The following ABTB3 variants were observed in gnomAD, a reference collection of about 807,000 sequenced individuals.
The protein encoded by ABTB3 is ankyrin repeat- and BTB/POZ domain-containing protein 3.
chr12:107,572,329 T>C, the ABTB3 span, among the ~76,000 whole-genome samples: 1 of 151,946 alleles, frequency 6.6e-6, no homozygotes, highest in Non-Finnish European at 1.5e-5. Flanking sequence ...AACACCTTGA[T>C]TTTGGACTTC....
At chr12:107,657,572 C>T in the ABTB3 span, 5 of 1,614,150 alleles carry the variant, frequency 3.1e-6, no homozygotes, top group South Asian at 4.4e-5. Flanking sequence ...CATGATGGTC[C>T]TCATTGAAAA....
the ABTB3 span, among the ~76,000 whole-genome samples, chr12:107,373,147 T>C: frequency 5.9e-5 from 9 of 152,160 alleles, no homozygotes; most frequent in Admixed American, 5.2e-4. Flanking sequence ...AGAACAACAT[T>C]GGCACCTAGC....
chr12:107,361,804 G>A, the ABTB3 span, among the ~76,000 whole-genome samples: 1,693 of 152,164 alleles, frequency 0.011, 15 homozygotes, highest in Non-Finnish European at 0.019. Flanking sequence ...GTCCCACCCC[G>A]CCACCTCAAC....
the ABTB3 span, among the ~76,000 whole-genome samples, chr12:107,497,071 C>G: frequency 6.6e-6 from 1 of 152,152 alleles, no homozygotes; most frequent in East Asian, 1.9e-4. Flanking sequence ...GAGTATATGG[C>G]AAGTACTTTG....
At chr12:107,441,672 T>G in the ABTB3 span, among the ~76,000 whole-genome samples, 1 of 150,728 alleles carries the variant, frequency 6.6e-6, no homozygotes, top group South Asian at 2.1e-4. Flanking sequence ...ACACAGTGGC[T>G]CACACCTAAA....
chr12:107,448,518 T>G, the ABTB3 span, among the ~76,000 whole-genome samples: 1 of 152,204 alleles, frequency 6.6e-6, no homozygotes, highest in Admixed American at 6.6e-5. Context: ...AAAAATAATT[T>G]AAACTTAAAG....
chr12:107,567,599 AT>A, the ABTB3 span, among the ~76,000 whole-genome samples: 6 of 152,162 alleles, frequency 3.9e-5, no homozygotes, highest in Non-Finnish European at 8.8e-5. Context: ...GGGGTCCCCA[AT>A]CCCCGGCCCG....
At chr12:107,521,979 G>A in the ABTB3 span, among the ~76,000 whole-genome samples, 1 of 152,000 alleles carries the variant, frequency 6.6e-6, no homozygotes, top group Non-Finnish European at 1.5e-5. Flanking sequence ...TTAAAACACA[G>A]ACATTTATTC....
chr12:107,586,711 C>T, the ABTB3 span, among the ~76,000 whole-genome samples: 1 of 152,168 alleles, frequency 6.6e-6, no homozygotes, highest in Non-Finnish European at 1.5e-5. Context: ...GGCCGCGGAG[C>T]CTGCTCAAGG....
chr12:107,639,442 C>T, the ABTB3 span, among the ~76,000 whole-genome samples: 1 of 152,080 alleles, frequency 6.6e-6, no homozygotes, highest in Non-Finnish European at 1.5e-5. Flanking sequence ...GCAGAGAGAC[C>T]AACAGAGGCT....
the ABTB3 span, among the ~76,000 whole-genome samples, chr12:107,498,021 G>A: frequency 3.3e-5 from 5 of 152,314 alleles, no homozygotes; most frequent in Admixed American, 2.0e-4. Context: ...AATGGAAGGT[G>A]GTGAGGCACC....
At chr12:107,549,318 C>T in the ABTB3 span, among the ~76,000 whole-genome samples, 1 of 152,238 alleles carries the variant, frequency 6.6e-6, no homozygotes, top group Non-Finnish European at 1.5e-5. Context: ...CTACCAAAAG[C>T]TCACCCCAAC....
the ABTB3 span, among the ~76,000 whole-genome samples, chr12:107,546,308 C>T: frequency 6.6e-6 from 1 of 152,078 alleles, no homozygotes. Flanking sequence ...CTCAAACTAC[C>T]TCAAAACTAA....
chr12:107,401,308 C>T, the ABTB3 span, among the ~76,000 whole-genome samples: 1 of 152,330 alleles, frequency 6.6e-6, no homozygotes, highest in East Asian at 1.9e-4. Context: ...GTCTGCAAGC[C>T]GTATGACTTA....
At chr12:107,319,884 C>T in the ABTB3 span, 1,052 of 1,326,086 alleles carry the variant, frequency 7.9e-4, 7 homozygotes, top group African/African-American at 0.015. Flanking sequence ...AGCTGTTGCG[C>T]CCCGCCGGCC....
the ABTB3 span, among the ~76,000 whole-genome samples, chr12:107,652,622 C>T: frequency 6.6e-6 from 1 of 152,126 alleles, no homozygotes; most frequent in African/African-American, 2.4e-5. Context: ...AGTCCCCCAC[C>T]CCCGATGACC....
At chr12:107,330,786 A>T in the ABTB3 span, among the ~76,000 whole-genome samples, 1 of 152,230 alleles carries the variant, frequency 6.6e-6, no homozygotes, top group Non-Finnish European at 1.5e-5. Context: ...TCCTGCTGTA[A>T]TATCTCCGGT....
At chr12:107,480,349 C>T in the ABTB3 span, among the ~76,000 whole-genome samples, 2 of 151,986 alleles carry the variant, frequency 1.3e-5, no homozygotes, top group Admixed American at 1.3e-4. Context: ...AAGAGCATGC[C>T]CACAGCTGTG....
the ABTB3 span, among the ~76,000 whole-genome samples, chr12:107,496,356 A>C: frequency 6.6e-6 from 1 of 152,064 alleles, no homozygotes; most frequent in Non-Finnish European, 1.5e-5. Context: ...TAAAAATTAC[A>C]CATTCCTGAA....
Sources: allele counts gnomAD v4.1 joint callset (sites outside exome capture counted in the v4.1 genomes callset), GRCh38; gene constraint gnomAD v4.1.1; transcripts MANE v1.5; gene names NCBI Gene and HGNC (gene_info 2026-07-23, HGNC 2026-07-21).